Variants in ARID4B observed in about 807,000 individuals in gnomAD.
ARID4B encodes the protein AT-rich interactive domain-containing protein 4B.
A neutral mutation model predicts 147.5 loss-of-function variants in ARID4B; 26 were observed. That is an observed-to-expected ratio of 0.18 (90% CI 0.13 to 0.24). ARID4B has a LOEUF of 0.24. Among genes scored for constraint, ARID4B ranks in the 10% least tolerant of loss-of-function variants. The pLI is 1.00. For synonymous variants in ARID4B, 512 were observed against 507.9 expected (o/e 1.01, Z -0.11); for missense variants, 1,179 against 1,511.5 (o/e 0.78, Z 3.65).
chr1:235,169,068 G>T (rs1477752993), intron 23 of ARID4B, among the ~76,000 whole-genome samples: 1 of 152,114 alleles, frequency 6.6e-6, no homozygotes, highest in African/African-American at 2.4e-5. Context: ...GAGTTTTCTT[G>T]TACATGTAAA....
At chr1:235,231,624 T>C (rs1031162121) in intron 9 of ARID4B, among the ~76,000 whole-genome samples, 2 of 152,084 alleles carry the variant, frequency 1.3e-5, no homozygotes, top group African/African-American at 4.8e-5. Context: ...GTAGCTGGGA[T>C]TACAGGCACA....
chr1:235,236,851 TA>T (rs1668623737), intron 8 of ARID4B, among the ~76,000 whole-genome samples: 4 of 41,034 alleles, frequency 9.7e-5, no homozygotes, highest in Non-Finnish European at 1.9e-4. Flanking sequence ...TATATATATA[TA>T]TATATATATA....
intron 2 of ARID4B, among the ~76,000 whole-genome samples, chr1:235,323,126 C>T (rs1454342958): frequency 2.0e-5 from 3 of 151,696 alleles, no homozygotes; most frequent in African/African-American, 7.3e-5. Flanking sequence ...CTGCAACCTC[C>T]ACCTCCTAGG....
chr1:235,301,154 G>C (rs1449284256), intron 2 of ARID4B, among the ~76,000 whole-genome samples: 1 of 149,342 alleles, frequency 6.7e-6, no homozygotes, highest in East Asian at 2.0e-4. Flanking sequence ...CCAAAGTGTT[G>C]GGATTATAGG....
Position 235,175,312 on chromosome 1 carries a change from G to A in ARID4B, c.3536C>T (p.Ser1179Phe). ...PVKSVSTGMK[S>F]HSTKSPARTQ... ...CCTTGCGGGAGATTTGGTACTATGA[G>A]ACTTCATTCCAGTGGAAACTGATTT... The change falls in exon 22 of 24, where the codon TCT becomes TTT. Residue 1179 changes from serine to phenylalanine, a missense_variant. This residue lies in a region of ARID4B where 357 missense variants were observed against 427.3 expected (regional missense o/e 0.84). Transcript: ENST00000264183. 1 of 1,614,054 alleles carries A rather than the reference G, an allele frequency of 6.2e-7. No homozygotes were observed.
chr1:235,220,474 A>G lies in ARID4B; in HGVS notation c.1235T>C (p.Val412Ala). ...IEFQMALPEK[V>A]VNKQCKECEN... The stretch of plus-strand genomic sequence containing the variant: ...ACACTCCTTACATTGCTTGTTAACA[A>G]CTTTCTCTGGCAATGCCATCTGAAA... Residue 412 changes from valine (V) to alanine (A), a missense_variant, in exon 15 of 24, where the codon GTT becomes GCT. Transcript: ENST00000264183. 1 of 1,612,686 alleles carries G rather than the reference A, an allele frequency of 6.2e-7. No individual in the cohort carries two copies. The highest frequency in any genetic ancestry group is 8.5e-7 in the Non-Finnish European group (1 of 1,179,010).
chr1:235,280,828 A>G (rs978871017), intron 2 of ARID4B, among the ~76,000 whole-genome samples: 1 of 152,206 alleles, frequency 6.6e-6, no homozygotes, highest in African/African-American at 2.4e-5. Flanking sequence ...CAAAGAAACC[A>G]TGGTTTCGGA....
At chr1:235,240,675 G>A (rs559803171) in intron 7 of ARID4B, among the ~76,000 whole-genome samples, 1 of 152,224 alleles carries the variant, frequency 6.6e-6, no homozygotes, top group Admixed American at 6.5e-5. Context: ...TTTATTTAGT[G>A]CTACTGTAAA....
intron 17 of ARID4B, among the ~76,000 whole-genome samples, chr1:235,205,949 A>G (rs569948335): frequency 6.6e-6 from 1 of 152,338 alleles, no homozygotes; most frequent in South Asian, 2.1e-4. Context: ...AAAGTTTGAC[A>G]GTTCCTTAGA....
chr1:235,236,856 A>ATG (rs1306578173), intron 8 of ARID4B, among the ~76,000 whole-genome samples: 3 of 35,098 alleles, frequency 8.5e-5, no homozygotes, highest in African/African-American at 2.7e-4. Context: ...ATATATATAT[A>ATG]TATATATTTT....
At chr1:235,308,638 C>T (rs553707409) in intron 2 of ARID4B, among the ~76,000 whole-genome samples, 5 of 152,220 alleles carry the variant, frequency 3.3e-5, no homozygotes, top group African/African-American at 1.2e-4. Context: ...CCACGCCTGA[C>T]TGGTTTTTGT....
At chr1:235,267,998 G>A (rs972685115) in intron 2 of ARID4B, among the ~76,000 whole-genome samples, 1 of 152,102 alleles carries the variant, frequency 6.6e-6, no homozygotes. Flanking sequence ...GTGGCACTAA[G>A]GACATGGATT....
rs186060595 is a variant in ARID4B at position 235,246,399 on chromosome 1, C to T, written c.446+21G>A. ...GAGAAATGAATTCAGGTTCAACTAA[C>T]AGTCATGAAAATGGACTTACATATG... On this transcript the variant is annotated intron_variant, in intron 7 of 23. Coordinates refer to ENST00000264183, the MANE Select transcript of ARID4B (RefSeq NM_016374.6). 2,750 of 1,523,420 alleles carry T rather than the reference C, an allele frequency of 1.8e-3. 7 individuals carry two copies. The highest frequency in any genetic ancestry group is 2.3e-3 in the Non-Finnish European group (2,558 of 1,097,540). 94.4% of individuals were successfully genotyped at this position (1,523,420 alleles called of 1,614,324 possible).
rs1668026359 is a variant in ARID4B at position 235,228,917 on chromosome 1, T to G, written c.897+314A>C. 2.3e-5 allele frequency: 5 copies of G among 218,996 alleles called. No homozygotes were observed. The South Asian group carries it at 3.4e-4, about 15-fold the overall frequency. 13.6% of individuals were successfully genotyped at this position (218,996 alleles called of 1,614,324 possible). On this transcript the variant is annotated intron_variant, in intron 11 of 23. Coordinates refer to ENST00000264183, the MANE Select transcript of ARID4B (RefSeq NM_016374.6). ...GCCTTGGCCTCCCAAAGTGCTGGGA[T>G]TACAGGCCTGAGCCACTGCGCCCAG... is the stretch of plus-strand genomic sequence containing the variant.
intron 2 of ARID4B, among the ~76,000 whole-genome samples, chr1:235,300,172 T>G (rs952915421): frequency 1.3e-5 from 2 of 152,062 alleles, no homozygotes; most frequent in Non-Finnish European, 2.9e-5. Flanking sequence ...TCCCAGCACT[T>G]TGGGAGGCTG....
intron 6 of ARID4B, among the ~76,000 whole-genome samples, chr1:235,250,628 T>G (rs1354947512): frequency 1.3e-5 from 2 of 152,180 alleles, no homozygotes; most frequent in Non-Finnish European, 2.9e-5. Flanking sequence ...TTTACATGGG[T>G]TGGCTTAACC....
At position 235,270,069 on chromosome 1, in the gene ARID4B, G is replaced by A. The variant is rs1173458760; in HGVS notation, c.7-9317C>T. Among the ~76,000 whole-genome samples the A allele has an allele frequency of 3.3e-4, 50 of 152,094 alleles. 1 individual carries two copies. Among genetic ancestry groups the A allele is most frequent in the Admixed American group, 3.3e-3 (50 of 15,266 alleles). On this transcript the variant is annotated intron_variant, in intron 2 of 23. Transcript: ENST00000264183. Reference sequence around the variant, plus strand: ...GAGGCCGAGGCGGACAGATCACAAGGTCAGGAGATCGAGACCATCTTGGCT... The same window carrying A: ...GAGGCCGAGGCGGACAGATCACAAGATCAGGAGATCGAGACCATCTTGGCT...
chr1:235,230,803 G>A (rs533943903), intron 10 of ARID4B, among the ~76,000 whole-genome samples: 2 of 151,522 alleles, frequency 1.3e-5, no homozygotes, highest in African/African-American at 2.4e-5. Flanking sequence ...TGTGCCTGTA[G>A]TCCCAGTTAC....
intron 2 of ARID4B, among the ~76,000 whole-genome samples, chr1:235,293,419 G>C (rs188809526): frequency 2.6e-5 from 4 of 152,264 alleles, no homozygotes; most frequent in African/African-American, 4.8e-5. Context: ...TCACCAGCTA[G>C]AGACCATCAC....
Sources: gnomAD v4.1 joint callset for allele counts (sites outside exome capture counted in the v4.1 genomes callset) on GRCh38, gnomAD v4.1.1 for gene constraint, gnomAD v4.1.1 regional missense constraint, MANE v1.5 for transcripts, NCBI Gene and HGNC (gene_info 2026-07-23, HGNC 2026-07-21) for gene names.